WWOX: variants seen among roughly 807,000 people sequenced by gnomAD.
WWOX encodes WW domain containing oxidoreductase.
WWOX carries 69 observed loss-of-function variants against 46.2 expected under a neutral mutation model. The ratio of observed to expected loss-of-function variants is 1.49; its 90% CI spans 1.23 to 1.82. WWOX has a LOEUF of 1.82. Among genes scored for constraint, WWOX ranks in the 40% most tolerant of loss-of-function variants. WWOX has a pLI of 0.00. For missense variants in WWOX, 919 were observed against 542.6 expected (o/e 1.69, Z -6.89); for synonymous variants, 359 against 202.6 (o/e 1.77, Z -6.56).
At position 78,861,132 on chromosome 16, in the gene WWOX, T is replaced by TCTGC. The variant is rs547070727; in HGVS notation, c.1057-350465_1057-350462dup. ...ACTGTGCACAGCCTCAGAGGTCCTG[T>TCTGC]CTGCCTGCCTGCCTTTCCTCCCTCT... is the stretch of plus-strand genomic sequence containing the variant. On this transcript the variant is annotated intron_variant, in intron 8 of 8. Transcript: ENST00000566780. Among the ~76,000 whole-genome samples the TCTGC allele has an allele frequency of 2.7e-3, 417 of 152,300 alleles. 2 individuals carry two copies. Among genetic ancestry groups the TCTGC allele is most frequent in the African/African-American group, 9.4e-3 (390 of 41,562 alleles).
chr16:78,111,028 T>C (rs1047269786), intron 3 of WWOX, among the ~76,000 whole-genome samples: 1 of 152,098 alleles, frequency 6.6e-6, no homozygotes, highest in Non-Finnish European at 1.5e-5. Context: ...TTTAAAGTTA[T>C]GAATGTAACA....
Position 78,797,770 on chromosome 16 carries a change from T to C in WWOX, c.1056+365018T>C, listed in dbSNP as rs191076279. 3.5e-4 allele frequency among the ~76,000 whole-genome samples: 53 copies of C among 152,310 alleles called. No homozygotes were observed. In the East Asian group the frequency reaches 6.6e-3, roughly 19 times the overall value. ...TGGGAGGTCGAGGCAGGAGGATCTC[T>C]TGAGGCTAGGAGCTCGAGAACAGTC... On this transcript the variant is annotated intron_variant, in intron 8 of 8. Transcript: ENST00000566780.
intron 8 of WWOX, among the ~76,000 whole-genome samples, chr16:79,143,977 T>G (rs1054038730): frequency 4.6e-5 from 7 of 152,310 alleles, no homozygotes; most frequent in Admixed American, 4.6e-4. Context: ...CAGTCATAGC[T>G]CACTGCAATC....
intron 8 of WWOX, among the ~76,000 whole-genome samples, chr16:78,829,743 C>T (rs1334902522): frequency 6.6e-6 from 1 of 152,066 alleles, no homozygotes; most frequent in East Asian, 1.9e-4. Context: ...AAACTGAGAC[C>T]CAGAGATTCA....
intron 8 of WWOX, among the ~76,000 whole-genome samples, chr16:79,167,021 A>T (rs2050607913): frequency 6.6e-6 from 1 of 151,892 alleles, no homozygotes; most frequent in South Asian, 2.1e-4. Context: ...ACTCTCTGCA[A>T]CCTCCACCTC....
intron 8 of WWOX, among the ~76,000 whole-genome samples, chr16:78,447,789 A>G (rs551879478): frequency 3.9e-5 from 6 of 152,186 alleles, no homozygotes; most frequent in Non-Finnish European, 8.8e-5. Flanking sequence ...GGAAAGCAGA[A>G]GAAACTATTA....
At chr16:78,682,227 A>C (rs1257896663) in intron 8 of WWOX, among the ~76,000 whole-genome samples, 1 of 152,188 alleles carries the variant, frequency 6.6e-6, no homozygotes, top group African/African-American at 2.4e-5. Flanking sequence ...GGCCTAACCC[A>C]CTATGCCACT....
intron 5 of WWOX, among the ~76,000 whole-genome samples, chr16:78,354,263 C>T (rs944135087): frequency 7.1e-6 from 1 of 141,588 alleles, no homozygotes; most frequent in Non-Finnish European, 1.5e-5. Context: ...AGGGATTAAT[C>T]TCTTTTTGCT....
chr16:78,389,385 G>A (rs1266405558), intron 6 of WWOX, among the ~76,000 whole-genome samples: 1 of 152,178 alleles, frequency 6.6e-6, no homozygotes, highest in East Asian at 1.9e-4. Context: ...GGAAGCCACA[G>A]TAACCGCACA....
chr16:78,724,672 A>G (rs568133231), intron 8 of WWOX, among the ~76,000 whole-genome samples: 11 of 152,320 alleles, frequency 7.2e-5, no homozygotes, highest in African/African-American at 2.4e-4. Flanking sequence ...CTCAGTTTAC[A>G]TCAAAATCAG....
chr16:79,021,849 A>G (rs946383903), intron 8 of WWOX, among the ~76,000 whole-genome samples: 3 of 152,182 alleles, frequency 2.0e-5, no homozygotes, highest in Non-Finnish European at 4.4e-5. Context: ...ACACATACAC[A>G]CAAAAAGTGC....
At chr16:78,798,917 T>A (rs759138456) in intron 8 of WWOX, among the ~76,000 whole-genome samples, 7 of 152,324 alleles carry the variant, frequency 4.6e-5, no homozygotes, top group East Asian at 1.9e-4. Context: ...AGACACCACT[T>A]GCTGCCAGTG....
intron 5 of WWOX, among the ~76,000 whole-genome samples, chr16:78,330,786 C>T (rs1040031778): frequency 6.6e-6 from 1 of 152,206 alleles, no homozygotes; most frequent in African/African-American, 2.4e-5. Flanking sequence ...TTCAGTCACC[C>T]TCAAAGGGGA....
chr16:78,321,339 TATATATATAC>T (rs1412720940), intron 5 of WWOX, among the ~76,000 whole-genome samples: 8 of 58,684 alleles, frequency 1.4e-4, no homozygotes, highest in Admixed American at 1.9e-4. Flanking sequence ...TATATATGCG[TATATATATAC>T]GTATATATGC....
At chr16:78,509,917 A>G (rs931149592) in intron 8 of WWOX, among the ~76,000 whole-genome samples, 20 of 87,574 alleles carry the variant, frequency 2.3e-4, no homozygotes, top group African/African-American at 5.8e-4. Context: ...GTGAGACCTC[A>G]TCTCTTTAAA....
intron 8 of WWOX, among the ~76,000 whole-genome samples, chr16:78,462,596 G>A (rs144690428): frequency 2.0e-5 from 3 of 152,188 alleles, no homozygotes; most frequent in African/African-American, 7.2e-5. Flanking sequence ...AAGTGGAACC[G>A]GGAGATCAGA....
At chr16:78,963,319 A>T (rs1032797054) in intron 8 of WWOX, among the ~76,000 whole-genome samples, 107 of 152,198 alleles carry the variant, frequency 7.0e-4, no homozygotes, top group African/African-American at 2.3e-3. Context: ...AATAAAAAAA[A>T]TTAGCTGCCC....
At chr16:78,688,365 A>C (rs1274485382) in intron 8 of WWOX, among the ~76,000 whole-genome samples, 1 of 134,508 alleles carries the variant, frequency 7.4e-6, no homozygotes, top group African/African-American at 2.9e-5. Context: ...TATATCAGTT[A>C]CTTTAAAAAA....
intron 8 of WWOX, among the ~76,000 whole-genome samples, chr16:78,865,635 T>G (rs187171338): frequency 6.6e-6 from 1 of 152,272 alleles, no homozygotes; most frequent in Admixed American, 6.5e-5. Context: ...ATCCCAGCAC[T>G]TTGGGAGGCT....
Sources: allele counts gnomAD v4.1 joint callset (sites outside exome capture counted in the v4.1 genomes callset), GRCh38; gene constraint gnomAD v4.1.1; transcripts MANE v1.5; gene names NCBI Gene and HGNC (gene_info 2026-07-23, HGNC 2026-07-21).